XKR4: variants seen among roughly 807,000 people sequenced by gnomAD.
XKR4 encodes XK related 4.
XKR4 carries 12 observed loss-of-function variants against 53.9 expected under a neutral mutation model. The observed-to-expected ratio is 0.22, with a 90% CI of 0.14 to 0.36. XKR4 has a LOEUF of 0.36. Ranked by LOEUF, XKR4 falls within the 10% of genes least tolerant of loss-of-function variation. The pLI is 1.00. For synonymous variants in XKR4, 354 were observed against 362.4 expected, an observed-to-expected ratio of 0.98 and a Z score of 0.26; for missense variants, 799 against 859.5, an observed-to-expected ratio of 0.93 and a Z score of 0.88.
chr8:55,434,410 C>CGTGTGTGTGTGTGT (rs10598891), intron 2 of XKR4, among the ~76,000 whole-genome samples: 4 of 148,150 alleles, frequency 2.7e-5, no homozygotes, highest in African/African-American at 7.5e-5. Context: ...TGATACCAAT[C>CGTGTGTGTGTGTGT]GTGTGTGTGT....
intron 1 of XKR4, among the ~76,000 whole-genome samples, chr8:55,108,709 T>C (rs1816189038): frequency 6.6e-6 from 1 of 152,224 alleles, no homozygotes; most frequent in Non-Finnish European, 1.5e-5. Context: ...AGTTAGTTCT[T>C]CTGATCCATA....
chr8:55,337,695 G>C (rs1217152017), intron 1 of XKR4, among the ~76,000 whole-genome samples: 1 of 152,178 alleles, frequency 6.6e-6, no homozygotes, highest in Admixed American at 6.6e-5. Context: ...TAATAAATTA[G>C]TAAATATGAA....
chr8:55,344,463 TA>T (rs1803605652), intron 1 of XKR4, among the ~76,000 whole-genome samples: 1 of 151,040 alleles, frequency 6.6e-6, no homozygotes, highest in African/African-American at 2.5e-5. Context: ...TTTTTTTTTT[TA>T]ATGTGGCTAA....
At chr8:55,362,468 G>A (rs1305506375) in intron 2 of XKR4, among the ~76,000 whole-genome samples, 1 of 152,160 alleles carries the variant, frequency 6.6e-6, no homozygotes, top group African/African-American at 2.4e-5. Context: ...CAGGTCAGCA[G>A]GAGCAGCCAC....
chr8:55,112,553 A>C (rs1398224162), intron 1 of XKR4, among the ~76,000 whole-genome samples: 2 of 78,644 alleles, frequency 2.5e-5, no homozygotes, highest in Non-Finnish European at 2.6e-5. Context: ...TGAATTCTTT[A>C]CTTTTCAGGT....
In XKR4 at chr8:55,434,074, C is replaced by T. The variant is rs187612218; in HGVS notation, c.1006+76197C>T. 4.6e-3 allele frequency among the ~76,000 whole-genome samples: 705 copies of T among 152,122 alleles called. 9 individuals are homozygous for T. The highest frequency in any genetic ancestry group is 0.016 in the African/African-American group (655 of 41,508). ...AAATTAGCTATCACCAGAGAAAAAT[C>T]AAGTTCAAGATAAGGTGCTTCACTC... On this transcript the variant is annotated intron_variant, in intron 2 of 2. Coordinates refer to ENST00000327381, the MANE Select transcript of XKR4 (RefSeq NM_052898.2).
intron 1 of XKR4, among the ~76,000 whole-genome samples, chr8:55,307,041 G>GA (rs35862885): frequency 0.24 from 36,669 of 149,878 alleles, 4,856 homozygotes; most frequent in East Asian, 0.53. Context: ...TACACTTTTA[G>GA]AAAAAAAAAT....
rs576340866 is a variant in XKR4 at position 55,452,309 on chromosome 8, G to C, written c.1007-70972G>C. 7.0e-4 allele frequency: 451 copies of C among 645,322 alleles called. 4 individuals are homozygous for C. The African/African-American group carries it at 7.5e-3, about 11-fold the overall frequency. 40.0% of individuals were successfully genotyped at this position (645,322 alleles called of 1,614,324 possible). A position where few individuals can be genotyped will look rare whatever the true frequency, so the allele number is the denominator to read the frequency against. ...TGATGCATTTCTCCTTGGTCAGCGC[G>C]GCCACCGGGAAGGAGCGGAACACCA... On this transcript the variant is annotated intron_variant, in intron 2 of 2. Coordinates refer to ENST00000327381, the MANE Select transcript of XKR4 (RefSeq NM_052898.2).
At chr8:55,351,202 C>G (rs916852348) in intron 1 of XKR4, among the ~76,000 whole-genome samples, 11 of 152,186 alleles carry the variant, frequency 7.2e-5, no homozygotes, top group African/African-American at 2.7e-4. Flanking sequence ...AACAAAAAAA[C>G]TCCCCATTCA....
intron 1 of XKR4, among the ~76,000 whole-genome samples, chr8:55,220,545 T>C (rs2129365279): frequency 6.6e-6 from 1 of 152,358 alleles, no homozygotes; most frequent in East Asian, 1.9e-4. Flanking sequence ...CCTGAGCCTG[T>C]AGTCATCAAG....
intron 1 of XKR4, among the ~76,000 whole-genome samples, chr8:55,318,560 A>G (rs1803152966): frequency 6.6e-6 from 1 of 152,316 alleles, no homozygotes; most frequent in African/African-American, 2.4e-5. Context: ...GCAAAATGCA[A>G]TTTTGCTTTG....
At chr8:55,378,394 A>T (rs1220292533) in intron 2 of XKR4, among the ~76,000 whole-genome samples, 1 of 152,180 alleles carries the variant, frequency 6.6e-6, no homozygotes, top group African/African-American at 2.4e-5. Flanking sequence ...TAGAATTCTG[A>T]TCTTATATTA....
chr8:55,477,380 T>C (rs2939664), intron 2 of XKR4, among the ~76,000 whole-genome samples: 1 of 151,936 alleles, frequency 6.6e-6, no homozygotes, highest in Non-Finnish European at 1.5e-5. Flanking sequence ...AAACAGAAAG[T>C]ACATCCACAC....
chr8:55,222,968 C>T (rs1005547097), intron 1 of XKR4, among the ~76,000 whole-genome samples: 1 of 152,104 alleles, frequency 6.6e-6, no homozygotes, highest in African/African-American at 2.4e-5. Context: ...TGGCTCCAGT[C>T]ACTGTTCAGA....
chr8:55,319,881 A>G (rs1467973461), intron 1 of XKR4, among the ~76,000 whole-genome samples: 2 of 152,188 alleles, frequency 1.3e-5, no homozygotes. Context: ...ATCTGATTGC[A>G]GGATCCATAA....
At chr8:55,507,303 T>C (rs1806549337) in intron 2 of XKR4, among the ~76,000 whole-genome samples, 1 of 152,210 alleles carries the variant, frequency 6.6e-6, no homozygotes, top group Non-Finnish European at 1.5e-5. Flanking sequence ...TTATAAAAGC[T>C]GAAAATAATT....
chr8:55,263,830 A>G (rs1383412030), intron 1 of XKR4, among the ~76,000 whole-genome samples: 1 of 152,230 alleles, frequency 6.6e-6, no homozygotes, highest in African/African-American at 2.4e-5. Context: ...CAAACGTCTG[A>G]GTACTGCAGT....
chr8:55,426,256 T>G (rs1046942112), intron 2 of XKR4, among the ~76,000 whole-genome samples: 14 of 152,334 alleles, frequency 9.2e-5, no homozygotes, highest in Middle Eastern at 6.8e-3. Context: ...GCTAGCTCAA[T>G]TCCTTTTCTC....
At position 55,519,180 on chromosome 8, in the gene XKR4, A is replaced by G. The variant is rs1290181788; in HGVS notation, c.1007-4101A>G. ...AAGATTATTGCACTAGGTAAGCTCT[A>G]AGGTCTTATCACCTATTTTCACATT... On this transcript the variant is annotated intron_variant, in intron 2 of 2. Transcript: ENST00000327381. Among the ~76,000 whole-genome samples the G allele has an allele frequency of 2.6e-5, 4 of 152,328 alleles. No homozygotes were observed. In the East Asian group the frequency reaches 7.7e-4, roughly 29 times the overall value.
Sources: allele counts gnomAD v4.1 joint callset (sites outside exome capture counted in the v4.1 genomes callset), GRCh38; gene constraint gnomAD v4.1.1; transcripts MANE v1.5; gene names NCBI Gene and HGNC (gene_info 2026-07-23, HGNC 2026-07-21).